Variants in TENM4 observed in about 807,000 individuals in gnomAD.
TENM4 encodes teneurin transmembrane protein 4.
In TENM4, 82 loss-of-function variants were observed where a neutral mutation model predicts 243.3. That is an observed-to-expected ratio of 0.34 (90% CI 0.28 to 0.40). The LOEUF is 0.40. TENM4 is among the 10% of genes least tolerant of loss of function. The probability of loss-of-function intolerance (pLI) is 1.00; values close to 1 mark genes in which losing one functional copy is unlikely to be tolerated. For missense variants in TENM4, 3,138 were observed against 3,673.3 expected, an observed-to-expected ratio of 0.85 and a Z score of 3.77; for synonymous variants, 1,412 against 1,456.3, an observed-to-expected ratio of 0.97 and a Z score of 0.69.
At chr11:79,131,472 C>T (rs776775719) in intron 4 of TENM4, among the ~76,000 whole-genome samples, 2 of 152,142 alleles carry the variant, frequency 1.3e-5, no homozygotes, top group Non-Finnish European at 2.9e-5. Flanking sequence ...TTCAGACAAA[C>T]AAATACTAAG....
intron 2 of TENM4, among the ~76,000 whole-genome samples, chr11:79,247,308 T>A (rs1044990667): frequency 6.7e-5 from 10 of 149,830 alleles, no homozygotes; most frequent in Non-Finnish European, 1.2e-4. Flanking sequence ...TCCCAGCCAC[T>A]CAGGAGGCTG....
chr11:78,743,278 A>G (rs1003234788), intron 19 of TENM4, among the ~76,000 whole-genome samples: 1 of 152,078 alleles, frequency 6.6e-6, no homozygotes, highest in African/African-American at 2.4e-5. Flanking sequence ...TGCCAGGACA[A>G]TCTTTTCCCC....
At chr11:78,800,859 C>T (rs139365364) in intron 15 of TENM4, among the ~76,000 whole-genome samples, 125 of 151,890 alleles carry the variant, frequency 8.2e-4, no homozygotes, top group African/African-American at 2.9e-3. Context: ...ACTTATGAGT[C>T]GGGTGAGGGT....
At chr11:79,095,438 A>G (rs1204319278) in intron 4 of TENM4, among the ~76,000 whole-genome samples, 2 of 152,196 alleles carry the variant, frequency 1.3e-5, no homozygotes, top group African/African-American at 2.4e-5. Context: ...AATAGCAAGT[A>G]TATATTCCTT....
intron 6 of TENM4, among the ~76,000 whole-genome samples, chr11:78,935,988 G>A (rs988071578): frequency 5.3e-5 from 8 of 152,158 alleles, no homozygotes; most frequent in African/African-American, 1.7e-4. Context: ...TGAAAGCTTC[G>A]TGATTCCATC....
intron 1 of TENM4, among the ~76,000 whole-genome samples, chr11:79,342,419 C>A (rs1857256876): frequency 6.6e-6 from 1 of 152,124 alleles, no homozygotes; most frequent in South Asian, 2.1e-4. Context: ...GTGGCTAAGA[C>A]CACAGAGCCA....
chr11:78,882,356 G>A (rs762482568), intron 9 of TENM4, among the ~76,000 whole-genome samples: 15 of 152,204 alleles, frequency 9.9e-5, no homozygotes, highest in Middle Eastern at 3.4e-3. Context: ...TACACAGTTC[G>A]GCCACCATGC....
At chr11:78,934,717 T>C (rs1006470481) in intron 6 of TENM4, among the ~76,000 whole-genome samples, 5 of 152,228 alleles carry the variant, frequency 3.3e-5, no homozygotes, top group African/African-American at 4.8e-5. Flanking sequence ...TTTATATTAG[T>C]TCATAAAGTA....
intron 12 of TENM4, among the ~76,000 whole-genome samples, chr11:78,839,192 C>CA (rs1396407109): frequency 1.3e-5 from 2 of 152,164 alleles, no homozygotes; most frequent in African/African-American, 4.8e-5. Flanking sequence ...GCCATGCAAT[C>CA]AAATCTCTTC....
At chr11:78,942,720 C>T (rs1289433038) in intron 6 of TENM4, among the ~76,000 whole-genome samples, 1 of 151,882 alleles carries the variant, frequency 6.6e-6, no homozygotes, top group Non-Finnish European at 1.5e-5. Context: ...CTTGTATGTG[C>T]CAGGCTTCCT....
At chr11:78,721,477 C>T (rs1210122559) in intron 24 of TENM4, among the ~76,000 whole-genome samples, 1 of 152,136 alleles carries the variant, frequency 6.6e-6, no homozygotes, top group African/African-American at 2.4e-5. Context: ...GGCATTAAGT[C>T]GAAGTGGCTC....
intron 23 of TENM4, among the ~76,000 whole-genome samples, chr11:78,725,844 G>A (rs1855497626): frequency 2.0e-5 from 3 of 152,204 alleles, no homozygotes; most frequent in African/African-American, 4.8e-5. Context: ...ACTGCCTGGT[G>A]AGTATTTGTG....
intron 1 of TENM4, among the ~76,000 whole-genome samples, chr11:79,360,942 C>T (rs1036359572): frequency 6.6e-6 from 1 of 152,136 alleles, no homozygotes; most frequent in Non-Finnish European, 1.5e-5. Flanking sequence ...TACAGCAGAC[C>T]AAATGTGCAT....
intron 1 of TENM4, among the ~76,000 whole-genome samples, chr11:79,416,518 T>G (rs542659907): frequency 1.2e-3 from 188 of 152,316 alleles, no homozygotes; most frequent in African/African-American, 4.4e-3. Context: ...AAGAAACTCT[T>G]CAGCTATAAC....
At chr11:79,343,609 C>A (rs534632754) in intron 1 of TENM4, among the ~76,000 whole-genome samples, 1 of 151,854 alleles carries the variant, frequency 6.6e-6, no homozygotes, top group African/African-American at 2.4e-5. Context: ...TTAAAAAGGA[C>A]TCCAATGCTT....
At chr11:78,719,871 C>A (rs79089346) in intron 25 of TENM4, among the ~76,000 whole-genome samples, 14 of 152,278 alleles carry the variant, frequency 9.2e-5, no homozygotes, top group African/African-American at 3.4e-4. Flanking sequence ...GTTCCTGGAG[C>A]CTGCTTTCTC....
chr11:78,871,442 G>A (rs1406854755), intron 9 of TENM4, among the ~76,000 whole-genome samples: 1 of 152,096 alleles, frequency 6.6e-6, no homozygotes, highest in Non-Finnish European at 1.5e-5. Context: ...CCTGAGTTTT[G>A]TATTAGGGGA....
At chr11:78,820,200 A>G (rs2136120076) in intron 12 of TENM4, among the ~76,000 whole-genome samples, 1 of 152,394 alleles carries the variant, frequency 6.6e-6, no homozygotes, top group South Asian at 2.1e-4. Flanking sequence ...TGGAACTGCG[A>G]AAAGCAAATC....
At chr11:79,332,418 A>G (rs2135446735) in intron 1 of TENM4, among the ~76,000 whole-genome samples, 1 of 152,328 alleles carries the variant, frequency 6.6e-6, no homozygotes. Flanking sequence ...ATGAGGGCCC[A>G]GTCATCACAT....
Sources: allele counts gnomAD v4.1 joint callset (sites outside exome capture counted in the v4.1 genomes callset), GRCh38; gene constraint gnomAD v4.1.1; transcripts MANE v1.5; gene names NCBI Gene and HGNC (gene_info 2026-07-23, HGNC 2026-07-21).